The following USP3 variants were observed in gnomAD, a reference collection of about 807,000 sequenced individuals.
USP3 encodes ubiquitin carboxyl-terminal hydrolase 3.
USP3 carries 20 observed loss-of-function variants against 72.3 expected under a neutral mutation model. That is an observed-to-expected ratio of 0.28 (90% CI 0.19 to 0.40). USP3 has a LOEUF of 0.40. Among genes scored for constraint, USP3 ranks in the 10% least tolerant of loss-of-function variants. USP3 has a pLI of 1.00. For missense variants in USP3, 479 were observed against 633.9 expected, an observed-to-expected ratio of 0.76 and a Z score of 2.62; for synonymous variants, 222 against 225.3, an observed-to-expected ratio of 0.99 and a Z score of 0.13.
At chr15:63,508,934 A>G (rs2065748377) in intron 1 of USP3, among the ~76,000 whole-genome samples, 1 of 127,076 alleles carries the variant, frequency 7.9e-6, no homozygotes, top group Admixed American at 7.6e-5. Flanking sequence ...TAGATCAAGT[A>G]AATGTTCTGC....
chr15:63,561,141 G>C (rs2066601687), intron 7 of USP3, among the ~76,000 whole-genome samples: 1 of 152,128 alleles, frequency 6.6e-6, no homozygotes, highest in Admixed American at 6.5e-5. Flanking sequence ...AGGATGAGTT[G>C]AAAGTGCCTG....
intron 3 of USP3, among the ~76,000 whole-genome samples, chr15:63,550,909 C>T (rs2066427114): frequency 6.6e-6 from 1 of 152,088 alleles, no homozygotes. Context: ...GTAATCTCAG[C>T]ACTTTGGGAG....
At chr15:63,566,065 T>C (rs1447915121) in intron 8 of USP3, among the ~76,000 whole-genome samples, 1 of 152,210 alleles carries the variant, frequency 6.6e-6, no homozygotes, top group Non-Finnish European at 1.5e-5. Context: ...CTAACACTCT[T>C]CAGGAAAGTC....
chr15:63,578,774 C>A lies in USP3; in HGVS notation c.1096+4371C>A, dbSNP rs914288414. ...GCCTACTGAAATATTGCTCAGATGT[C>A]TTCTGGAGGAACAAGGCAATAAACT... On this transcript the variant is annotated intron_variant, in intron 11 of 14. Transcript: ENST00000380324. 1.9e-4 allele frequency among the ~76,000 whole-genome samples: 29 copies of A among 152,092 alleles called. 1 individual carries two copies.
At chr15:63,521,664 C>T (rs1157274495) in intron 1 of USP3, among the ~76,000 whole-genome samples, 2 of 152,230 alleles carry the variant, frequency 1.3e-5, no homozygotes, top group African/African-American at 4.8e-5. Context: ...TGTACACACT[C>T]ATCAGTGCTT....
intron 7 of USP3, 41 bp downstream of exon 7, chr15:63,560,011 A>C: frequency 1.9e-6 from 3 of 1,554,820 alleles, no homozygotes; most frequent in Non-Finnish European, 2.6e-6. Flanking sequence ...TTGAGTTACA[A>C]AACAAATTAC....
At chr15:63,509,225 G>A (rs139772724) in intron 1 of USP3, among the ~76,000 whole-genome samples, 1 of 152,258 alleles carries the variant, frequency 6.6e-6, no homozygotes, top group African/African-American at 2.4e-5. Flanking sequence ...TAGGTCAAAT[G>A]CTTTTACTGC....
chr15:63,566,225 ATAT>A (rs1430821262), intron 8 of USP3, among the ~76,000 whole-genome samples: 2 of 151,986 alleles, frequency 1.3e-5, no homozygotes, highest in African/African-American at 4.8e-5. Context: ...CATAATTCTT[ATAT>A]TTGCTTGCTC....
chr15:63,553,226 A>G lies in USP3; in HGVS notation c.285-489A>G, dbSNP rs62011344. On this transcript the variant is annotated intron_variant, in intron 3 of 14. Transcript: ENST00000380324. This position sits in a 1 kb window ranked among gnomAD's most constrained non-coding sequence, Gnocchi z 4.2. ...CTATTTTAATTAAATTATGTTTAAA[A>G]TGTGCAGCTTTAACTTTAGTTTTTC... The G allele has an allele frequency of 0.12, 18,906 of 152,318 alleles. 1,595 individuals are homozygous for G. The highest frequency in any genetic ancestry group is 0.2 in the South Asian group (946 of 4,834). 9.4% of individuals were successfully genotyped at this position (152,318 alleles called of 1,614,324 possible).
chr15:63,548,500 A>AT (rs955285284), intron 3 of USP3, among the ~76,000 whole-genome samples: 25 of 151,560 alleles, frequency 1.6e-4, no homozygotes, highest in South Asian at 6.3e-4. Flanking sequence ...TAATTTTTGT[A>AT]TTTTTTTAGT....
rs960332632 is a variant in USP3 at position 63,529,772 on chromosome 15, T to C, written c.92-2875T>C. On this transcript the variant is annotated intron_variant, in intron 1 of 14. Transcript: ENST00000380324. This position sits in a 1 kb window ranked among gnomAD's most constrained non-coding sequence, Gnocchi z 4.2. ...TCACAGGGATTCTGCTCCAGATTTC[T>C]TTTTCCTCGTACAAAGGAGGGACAA... 1.3e-5 allele frequency among the ~76,000 whole-genome samples: 2 copies of C among 152,198 alleles called. No homozygotes were observed. The highest frequency in any genetic ancestry group is 4.8e-5 in the African/African-American group (2 of 41,440).
intron 2 of USP3, among the ~76,000 whole-genome samples, chr15:63,534,825 A>C (rs776425099): frequency 6.6e-6 from 1 of 152,168 alleles, no homozygotes; most frequent in Non-Finnish European, 1.5e-5. Context: ...GTTGTTTTTC[A>C]TGGTTTAGTA....
At chr15:63,507,998 T>C (rs2065735501) in intron 1 of USP3, among the ~76,000 whole-genome samples, 2 of 152,224 alleles carry the variant, frequency 1.3e-5, no homozygotes, top group Admixed American at 1.3e-4. Context: ...TGTAACTCTT[T>C]GTTCAGCTTT....
At chr15:63,571,506 A>G (rs925244384) in intron 9 of USP3, among the ~76,000 whole-genome samples, 1 of 152,216 alleles carries the variant, frequency 6.6e-6, no homozygotes, top group Non-Finnish European at 1.5e-5. Context: ...AGAATCCAAT[A>G]TAGAAAGGGA....
chr15:63,575,085 C>G (rs1159311651), intron 11 of USP3, among the ~76,000 whole-genome samples: 1 of 149,710 alleles, frequency 6.7e-6, no homozygotes, highest in African/African-American at 2.5e-5. Context: ...CTAACAGTTT[C>G]TACTCTGATT....
chr15:63,541,179 C>T (rs1363666802), intron 3 of USP3, among the ~76,000 whole-genome samples: 1 of 152,070 alleles, frequency 6.6e-6, no homozygotes, highest in Admixed American at 6.6e-5. Context: ...TATATTCCTT[C>T]AGGGCAGGTA....
intron 1 of USP3, among the ~76,000 whole-genome samples, chr15:63,521,903 A>G (rs1169024884): frequency 2.0e-5 from 3 of 152,184 alleles, no homozygotes; most frequent in Non-Finnish European, 4.4e-5. Flanking sequence ...CGTCAGAGGA[A>G]TGGCATCTTG....
chr15:63,518,902 A>T (rs1367819332), intron 1 of USP3, among the ~76,000 whole-genome samples: 2 of 151,994 alleles, frequency 1.3e-5, no homozygotes, highest in East Asian at 3.9e-4. Context: ...AGTAGCTGGG[A>T]CTACTGGCAC....
chr15:63,524,129 C>T (rs1183002734), intron 1 of USP3, among the ~76,000 whole-genome samples: 1 of 152,156 alleles, frequency 6.6e-6, no homozygotes, highest in African/African-American at 2.4e-5. Flanking sequence ...ATAGAGGTGG[C>T]ACATCTAGAT....
Sources: allele counts gnomAD v4.1 joint callset (sites outside exome capture counted in the v4.1 genomes callset), GRCh38; gene constraint gnomAD v4.1.1; non-coding constraint Gnocchi (gnomAD v3.1); transcripts MANE v1.5; gene names NCBI Gene and HGNC (gene_info 2026-07-23, HGNC 2026-07-21).